The following VPS54 variants were observed in gnomAD, a reference collection of about 807,000 sequenced individuals.
The protein encoded by VPS54 is VPS54 subunit of GARP complex.
A neutral mutation model predicts 121.5 loss-of-function variants in VPS54; 45 were observed. That is an observed-to-expected ratio of 0.37 (90% CI 0.29 to 0.47). VPS54 has a LOEUF of 0.47. VPS54 is among the 20% of genes least tolerant of loss of function. The pLI, the probability that VPS54 is intolerant of heterozygous loss-of-function variation, is 0.99. For missense variants in VPS54, 1,090 were observed against 1,131.4 expected (o/e 0.96, Z 0.52); for synonymous variants, 371 against 385.8 (o/e 0.96, Z 0.45).
At chr2:64,009,379 G>T (rs1039187524) in intron 1 of VPS54, among the ~76,000 whole-genome samples, 4 of 151,936 alleles carry the variant, frequency 2.6e-5, no homozygotes, top group African/African-American at 9.7e-5. Flanking sequence ...ACAGTGGCAA[G>T]ATCTCAGTTC....
chr2:63,904,669 A>G (rs970530681), intron 20 of VPS54, among the ~76,000 whole-genome samples: 1 of 152,162 alleles, frequency 6.6e-6, no homozygotes, highest in East Asian at 1.9e-4. Context: ...AAGGACAGAA[A>G]AGACCTAAAT....
chr2:63,937,818 G>A (rs1223578928), intron 11 of VPS54, among the ~76,000 whole-genome samples: 1 of 152,172 alleles, frequency 6.6e-6, no homozygotes, highest in Non-Finnish European at 1.5e-5. Context: ...ATATTACTCA[G>A]CCTTAAAAAG....
chr2:63,973,562 C>A (rs927691947), intron 3 of VPS54, among the ~76,000 whole-genome samples: 6 of 151,976 alleles, frequency 3.9e-5, no homozygotes, highest in Non-Finnish European at 8.8e-5. Flanking sequence ...GTACCAGTCC[C>A]TTTTTGTTTT....
At chr2:63,951,602 G>A (rs1018561148) in intron 7 of VPS54, among the ~76,000 whole-genome samples, 2 of 152,084 alleles carry the variant, frequency 1.3e-5, no homozygotes, top group Non-Finnish European at 2.9e-5. Flanking sequence ...TACTGCATGA[G>A]TGGGGCCATA....
intron 8 of VPS54, among the ~76,000 whole-genome samples, chr2:63,947,814 T>C (rs1379790935): frequency 6.6e-6 from 1 of 152,096 alleles, no homozygotes; most frequent in African/African-American, 2.4e-5. Context: ...AAATACTCCA[T>C]GGGCCCTGTG....
At chr2:63,914,724 C>G (rs1206404907) in intron 16 of VPS54, among the ~76,000 whole-genome samples, 1 of 151,646 alleles carries the variant, frequency 6.6e-6, no homozygotes, top group Admixed American at 6.6e-5. Context: ...TCCATCATAA[C>G]TAATGAATTG....
chr2:63,989,272 C>T (rs1458255749), intron 1 of VPS54, among the ~76,000 whole-genome samples: 3 of 152,142 alleles, frequency 2.0e-5, no homozygotes, highest in African/African-American at 4.8e-5. Flanking sequence ...TGTCCATTTG[C>T]CTTGTGATAT....
Position 63,912,295 on chromosome 2 carries a change from A to G in VPS54, c.2625+50T>C, listed in dbSNP as rs757089923. The G allele has an allele frequency of 1.7e-5, 25 of 1,440,372 alleles. No individual in the cohort carries two copies. The African/African-American group carries it at 3.1e-4, about 18-fold the overall frequency. The allele number at this position is 1,440,372 out of a possible 1,614,324, so 89.2% of individuals were successfully genotyped here. A position where few individuals can be genotyped will look rare whatever the true frequency, so the allele number is the denominator to read the frequency against. Reference sequence around the variant, plus strand: ...TTATAAAGTACTCCTTATAAAATAGAAAATCATAATGTCTTTGAACAAAGT... The same window carrying G: ...TTATAAAGTACTCCTTATAAAATAGGAAATCATAATGTCTTTGAACAAAGT... On this transcript the variant is annotated intron_variant, in intron 20 of 22. Transcript: ENST00000272322.
intron 20 of VPS54, among the ~76,000 whole-genome samples, chr2:63,909,803 C>A (rs1373373869): frequency 6.7e-6 from 1 of 149,540 alleles, no homozygotes; most frequent in Non-Finnish European, 1.5e-5. Flanking sequence ...CGGCTCACTG[C>A]AACCTCTGCT....
intron 12 of VPS54, among the ~76,000 whole-genome samples, chr2:63,931,962 T>C (rs926016667): frequency 5.3e-5 from 8 of 152,142 alleles, no homozygotes; most frequent in Non-Finnish European, 1.0e-4. Flanking sequence ...TGAGATACCA[T>C]CTCACTCCAG....
chr2:63,914,326 C>T (rs774150034), intron 16 of VPS54, 39 bp from the exon 17 acceptor site: 3 of 1,340,508 alleles, frequency 2.2e-6, no homozygotes, highest in East Asian at 2.3e-5. Context: ...GAAATCAAAA[C>T]AAGAAAAATC....
At chr2:63,972,910 A>T (rs1266057620) in intron 3 of VPS54, among the ~76,000 whole-genome samples, 1 of 152,010 alleles carries the variant, frequency 6.6e-6, no homozygotes, top group Non-Finnish European at 1.5e-5. Context: ...GAAAGATAGA[A>T]ATTAGTTATT....
At chr2:63,995,279 C>T (rs906047696) in intron 1 of VPS54, among the ~76,000 whole-genome samples, 26 of 152,162 alleles carry the variant, frequency 1.7e-4, no homozygotes, top group Admixed American at 5.9e-4. Context: ...AAAATTTGGA[C>T]GAAGAATCAA....
Position 63,921,193 on chromosome 2 carries a change from T to C in VPS54, c.1869+13A>G, listed in dbSNP as rs756890801. 3 of 1,601,730 alleles carry C rather than the reference T, an allele frequency of 1.9e-6. No individual in the cohort carries two copies. Among genetic ancestry groups the C allele is most frequent in the Non-Finnish European group, 1.7e-6 (2 of 1,174,976 alleles). On this transcript the variant is annotated intron_variant, in intron 13 of 22. Transcript: ENST00000272322. ...TACGTATAAAATATATAAAGCTTTA[T>C]GAAAATAGCTACCTTTGCTCTTGAC...
chr2:63,968,958 T>C lies in VPS54; in HGVS notation c.491A>G (p.Lys164Arg). ...TTTCTCATGTTTAAGCTTTGTTACC[T>C]TAGGTACTTGCTCCAGATCTGTCCT... ...KSRTDLEQVP[K>R]IFMKPDFALD... Residue 164 changes from lysine (K) to arginine (R), a missense_variant and splice_region_variant, in exon 5 of 23, where the codon AAG becomes AGG. Transcript: ENST00000272322. The C allele has an allele frequency of 6.2e-7, 1 of 1,604,544 alleles. No homozygotes were observed. Among genetic ancestry groups the C allele is most frequent in the Non-Finnish European group, 8.5e-7 (1 of 1,175,894 alleles).
intron 1 of VPS54, among the ~76,000 whole-genome samples, chr2:63,985,088 A>G (rs1676981198): frequency 6.6e-6 from 1 of 152,150 alleles, no homozygotes. Context: ...GGGAGGCCAA[A>G]GCAGGCGGAT....
chr2:63,910,970 G>A (rs1673124937), intron 20 of VPS54, among the ~76,000 whole-genome samples: 1 of 152,120 alleles, frequency 6.6e-6, no homozygotes, highest in Non-Finnish European at 1.5e-5. Context: ...GTGCAGTGGG[G>A]TGATCACAGC....
intron 1 of VPS54, among the ~76,000 whole-genome samples, chr2:63,991,635 C>T (rs561057747): frequency 1.4e-4 from 21 of 152,274 alleles, no homozygotes; most frequent in Admixed American, 3.9e-4. Context: ...TTGCTCACGT[C>T]GTCGCAAGGT....
chr2:63,901,938 C>T (rs192820446), intron 20 of VPS54, among the ~76,000 whole-genome samples: 1 of 152,244 alleles, frequency 6.6e-6, no homozygotes, highest in East Asian at 1.9e-4. Flanking sequence ...TTGCTTGAAC[C>T]CGGGAGGCAG....
Sources: allele counts gnomAD v4.1 joint callset (sites outside exome capture counted in the v4.1 genomes callset), GRCh38; gene constraint gnomAD v4.1.1; transcripts MANE v1.5; gene names NCBI Gene and HGNC (gene_info 2026-07-23, HGNC 2026-07-21).